Variants in FCHO2 observed in about 807,000 individuals in gnomAD.
The protein encoded by FCHO2 is FCH and mu domain containing endocytic adaptor 2, also known as F-BAR domain only protein 2.
In FCHO2, 43 loss-of-function variants were observed where a neutral mutation model predicts 114.1. That is an observed-to-expected ratio of 0.38 (90% confidence interval 0.30 to 0.49). The LOEUF (loss-of-function observed/expected upper bound fraction) is 0.49. Among genes scored for constraint, FCHO2 ranks in the 20% least tolerant of loss-of-function variants. The probability of loss-of-function intolerance (pLI) is 0.97; values close to 1 mark genes in which losing one functional copy is unlikely to be tolerated. For missense variants in FCHO2, 807 were observed against 950.4 expected (o/e 0.85, Z 1.98); for synonymous variants, 293 against 315.2 (o/e 0.93, Z 0.75).
intron 5 of FCHO2, chr5:72,997,780 GC>G: frequency 4.6e-6 from 6 of 1,305,386 alleles, no homozygotes; most frequent in Non-Finnish European, 6.0e-6. Context: ...TGCCCTGGAA[GC>G]CCTACACTCC....
chr5:73,014,231 G>C (rs1169561280), intron 6 of FCHO2, among the ~76,000 whole-genome samples: 4 of 151,372 alleles, frequency 2.6e-5, no homozygotes, highest in Non-Finnish European at 4.4e-5. Context: ...AGATTTCTTT[G>C]ATGACAGCCA....
chr5:73,046,450 C>A (rs1757064119), intron 11 of FCHO2, among the ~76,000 whole-genome samples: 1 of 152,112 alleles, frequency 6.6e-6, no homozygotes, highest in Non-Finnish European at 1.5e-5. Flanking sequence ...TAGAAAACAG[C>A]TTGGTATTAT....
rs547282013 is a variant in FCHO2, at chr5:73,059,768, T to A, written c.1345+1244T>A. ...TAATCTGAAGTGGCTTTATAGCCTT[T>A]CTCATTGAGCATTTGTTACTATTTA... On this transcript the variant is annotated intron_variant, in intron 17 of 25. Coordinates refer to ENST00000430046, the MANE Select transcript of FCHO2 (RefSeq NM_138782.3). Among the ~76,000 whole-genome samples, 3 of 152,094 alleles carry A rather than the reference T, an allele frequency of 2.0e-5. No homozygotes were observed. In the East Asian group the frequency reaches 5.8e-4, roughly 29 times the overall value.
intron 5 of FCHO2, among the ~76,000 whole-genome samples, chr5:72,994,185 A>C (rs1256740212): frequency 1.2e-4 from 18 of 152,286 alleles, no homozygotes; most frequent in East Asian, 1.9e-4. Flanking sequence ...AAACTATCAA[A>C]AGAGTAAATA....
chr5:72,967,308 TC>T (rs1294141367), intron 1 of FCHO2, among the ~76,000 whole-genome samples: 5 of 151,970 alleles, frequency 3.3e-5, no homozygotes, highest in African/African-American at 1.2e-4. Context: ...CAAACGAAAA[TC>T]CCATTAATTA....
intron 13 of FCHO2, among the ~76,000 whole-genome samples, chr5:73,053,551 C>T (rs1342704325): frequency 1.3e-5 from 2 of 152,032 alleles, no homozygotes; most frequent in Admixed American, 6.5e-5. Context: ...AAAAATTAGC[C>T]GGTCGTGGTG....
At chr5:72,993,207 T>C (rs889455057) in intron 5 of FCHO2, among the ~76,000 whole-genome samples, 29 of 151,600 alleles carry the variant, frequency 1.9e-4, no homozygotes, top group African/African-American at 5.6e-4. Context: ...ATCTACTAGA[T>C]AGAAAAAAAC....
chr5:72,997,740 T>G, intron 5 of FCHO2: 2 of 1,432,458 alleles, frequency 1.4e-6, no homozygotes, highest in Non-Finnish European at 1.9e-6. Flanking sequence ...GAGGACTGCC[T>G]GGGCAGGGTC....
intron 5 of FCHO2, among the ~76,000 whole-genome samples, chr5:72,995,544 G>A (rs1754046626): frequency 1.3e-5 from 2 of 152,014 alleles, no homozygotes; most frequent in Admixed American, 1.3e-4. Flanking sequence ...CACCATGCCT[G>A]GCTTGAAACT....
At chr5:73,063,801 C>T (rs1757948326) in intron 17 of FCHO2, 40 bp from the exon 18 acceptor site, 3 of 1,546,778 alleles carry the variant, frequency 1.9e-6, no homozygotes, top group Non-Finnish European at 2.7e-6. Flanking sequence ...TTGCTACATA[C>T]TAATGATTTT....
intron 22 of FCHO2, among the ~76,000 whole-genome samples, chr5:73,078,917 C>T (rs1352103474): frequency 3.9e-5 from 6 of 152,120 alleles, no homozygotes; most frequent in Non-Finnish European, 8.8e-5. Flanking sequence ...AGAAACACAA[C>T]ACAATCTCTA....
intron 8 of FCHO2, among the ~76,000 whole-genome samples, chr5:73,021,912 A>G (rs1026035711): frequency 1.3e-5 from 2 of 152,198 alleles, no homozygotes; most frequent in Non-Finnish European, 2.9e-5. Context: ...GTACCATGCC[A>G]ACCACTTTGT....
At chr5:73,033,861 C>T (rs935287927) in intron 8 of FCHO2, among the ~76,000 whole-genome samples, 6 of 152,138 alleles carry the variant, frequency 3.9e-5, no homozygotes, top group Non-Finnish European at 8.8e-5. Flanking sequence ...TAAGGCTAGT[C>T]TGAGCAGTCA....
At position 73,023,710 on chromosome 5, in the gene FCHO2, A is replaced by G. The variant is rs182897326; in HGVS notation, c.796+6402A>G. 3.5e-3 allele frequency among the ~76,000 whole-genome samples: 540 copies of G among 152,302 alleles called. 5 individuals are homozygous for G. Among genetic ancestry groups the G allele is most frequent in the African/African-American group, 0.013 (525 of 41,552 alleles). On this transcript the variant is annotated intron_variant, in intron 8 of 25. Coordinates refer to ENST00000430046, the MANE Select transcript of FCHO2 (RefSeq NM_138782.3). The stretch of plus-strand genomic sequence containing the variant: ...AGCGAAACTCCATCTCAAAAAAAAA[A>G]AAAAGTAATGTAGTCCAAACACATT...
At chr5:72,967,158 C>T (rs1308098486) in intron 1 of FCHO2, among the ~76,000 whole-genome samples, 1 of 152,200 alleles carries the variant, frequency 6.6e-6, no homozygotes. Flanking sequence ...TGGTGGTGCA[C>T]ACCTGTAATC....
At chr5:73,084,596 T>C (rs1743232581) in intron 24 of FCHO2, among the ~76,000 whole-genome samples, 7 of 152,162 alleles carry the variant, frequency 4.6e-5, no homozygotes, top group Admixed American at 3.3e-4. Flanking sequence ...ATTTGATAGG[T>C]TTTTTGGCTT....
intron 1 of FCHO2, among the ~76,000 whole-genome samples, chr5:72,961,510 A>C (rs1040057928): frequency 3.3e-5 from 5 of 152,202 alleles, no homozygotes; most frequent in African/African-American, 1.2e-4. Flanking sequence ...TACATGGTTT[A>C]ATATTTAAAA....
At chr5:72,997,035 C>G in intron 5 of FCHO2, 1 of 1,410,674 alleles carries the variant, frequency 7.1e-7, no homozygotes, top group Non-Finnish European at 1.0e-6. Flanking sequence ...CAGCACCAAA[C>G]TGTTCGATAT....
At chr5:73,003,311 C>G (rs1754544117) in intron 5 of FCHO2, among the ~76,000 whole-genome samples, 1 of 152,074 alleles carries the variant, frequency 6.6e-6, no homozygotes, top group Non-Finnish European at 1.5e-5. Flanking sequence ...CTGCACCTGG[C>G]TTATTTTTTA....
Sources: allele counts gnomAD v4.1 joint callset (sites outside exome capture counted in the v4.1 genomes callset), GRCh38; gene constraint gnomAD v4.1.1; transcripts MANE v1.5; gene names NCBI Gene and HGNC (gene_info 2026-07-23, HGNC 2026-07-21).